The following LRRC4C variants were observed in gnomAD, a reference collection of about 807,000 sequenced individuals.
LRRC4C encodes leucine-rich repeat-containing protein 4C.
Under a neutral mutation model 33.6 loss-of-function variants are expected in LRRC4C, and 5 were observed. The observed-to-expected ratio is 0.15, with a 90% confidence interval of 0.08 to 0.31. The LOEUF is 0.31. LRRC4C is among the 10% of genes least tolerant of loss of function. LRRC4C has a pLI of 1.00. For synonymous variants in LRRC4C, 329 were observed against 302.0 expected (o/e 1.09, Z -0.93); for missense variants, 560 against 796.7 (o/e 0.70, Z 3.58).
intron 3 of LRRC4C, among the ~76,000 whole-genome samples, chr11:40,553,195 C>A (rs768807793): frequency 4.4e-4 from 67 of 152,056 alleles, no homozygotes; most frequent in Admixed American, 1.6e-3. Context: ...TTGCTTGAAC[C>A]CAGGAGACGG....
chr11:41,283,180 T>C (rs192722985), intron 1 of LRRC4C, among the ~76,000 whole-genome samples: 2 of 152,362 alleles, frequency 1.3e-5, no homozygotes, highest in African/African-American at 4.8e-5. Flanking sequence ...AGCAATGATA[T>C]GCAGTTGTTT....
chr11:40,247,399 C>G (rs1866427565), intron 4 of LRRC4C, among the ~76,000 whole-genome samples: 1 of 152,154 alleles, frequency 6.6e-6, no homozygotes, highest in Non-Finnish European at 1.5e-5. Context: ...TTTAAACAAA[C>G]CCCCATGTTT....
chr11:41,100,334 G>A (rs570700080), intron 1 of LRRC4C, among the ~76,000 whole-genome samples: 151 of 152,126 alleles, frequency 9.9e-4, no homozygotes, highest in Non-Finnish European at 1.8e-3. Context: ...TGGGAGGCCC[G>A]AGGTGGGTGG....
At chr11:40,483,465 C>T (rs1953695431) in intron 3 of LRRC4C, among the ~76,000 whole-genome samples, 1 of 152,060 alleles carries the variant, frequency 6.6e-6, no homozygotes, top group Admixed American at 6.6e-5. Context: ...GTTTAAATAA[C>T]ACAATCAATG....
chr11:40,957,510 G>C (rs1173814786), intron 1 of LRRC4C, among the ~76,000 whole-genome samples: 1 of 151,540 alleles, frequency 6.6e-6, no homozygotes, highest in African/African-American at 2.4e-5. Context: ...TGTATTTTCT[G>C]AACTATGTTC....
At chr11:40,452,983 A>G (rs1435594502) in intron 3 of LRRC4C, among the ~76,000 whole-genome samples, 2 of 145,250 alleles carry the variant, frequency 1.4e-5, no homozygotes, top group African/African-American at 5.0e-5. Context: ...TCGAACAATG[A>G]GAACACATGG....
At chr11:40,390,300 T>A (rs1195224842) in intron 3 of LRRC4C, among the ~76,000 whole-genome samples, 1 of 152,144 alleles carries the variant, frequency 6.6e-6, no homozygotes, top group Non-Finnish European at 1.5e-5. Context: ...AACAAGGAAT[T>A]CAGCTTAATC....
At chr11:41,458,032 G>A (rs1302598916) in intron 1 of LRRC4C, among the ~76,000 whole-genome samples, 1 of 151,972 alleles carries the variant, frequency 6.6e-6, no homozygotes, top group Admixed American at 6.6e-5. Flanking sequence ...AACGTTTTGA[G>A]TATGATGCCT....
intron 1 of LRRC4C, among the ~76,000 whole-genome samples, chr11:41,059,768 T>C (rs1310957273): frequency 1.3e-5 from 2 of 152,172 alleles, no homozygotes; most frequent in Non-Finnish European, 2.9e-5. Flanking sequence ...CTCATGCCTG[T>C]AATCCCAGCA....
intron 1 of LRRC4C, among the ~76,000 whole-genome samples, chr11:41,272,360 G>A (rs926527529): frequency 6.6e-6 from 1 of 151,980 alleles, no homozygotes; most frequent in Non-Finnish European, 1.5e-5. Flanking sequence ...TCTAAGAACT[G>A]TTGCAGATCT....
At chr11:41,445,521 G>A (rs1270761955) in intron 1 of LRRC4C, among the ~76,000 whole-genome samples, 1 of 152,086 alleles carries the variant, frequency 6.6e-6, no homozygotes, top group Non-Finnish European at 1.5e-5. Context: ...AGAAGAAGAA[G>A]GCACTGAGGC....
chr11:41,422,003 T>C (rs1954887490), intron 1 of LRRC4C, among the ~76,000 whole-genome samples: 1 of 152,048 alleles, frequency 6.6e-6, no homozygotes. Flanking sequence ...TATGGCCACA[T>C]AATGATACTT....
chr11:41,116,246 A>G (rs1162779156), intron 1 of LRRC4C, among the ~76,000 whole-genome samples: 3 of 152,122 alleles, frequency 2.0e-5, no homozygotes, highest in Non-Finnish European at 1.5e-5. Flanking sequence ...ATCCTATGTG[A>G]CTTTGGATAA....
At position 40,757,071 on chromosome 11, in the gene LRRC4C, C is replaced by T. The variant is rs191348302; in HGVS notation, c.-406-108793G>A. Among the ~76,000 whole-genome samples the T allele has an allele frequency of 1.8e-4, 28 of 152,204 alleles. 1 individual carries two copies. Among genetic ancestry groups the T allele is most frequent in the African/African-American group, 6.3e-4 (26 of 41,564 alleles). ...TTGCTCTCATACTCTCTTCCAAGGA[C>T]TGTTCTTGAAACCTTTCCCCTTTCC... On this transcript the variant is annotated intron_variant, in intron 2 of 6. Coordinates refer to ENST00000528697, the MANE Select transcript of LRRC4C (RefSeq NM_001258419.2).
chr11:41,442,556 G>A (rs1253058386), intron 1 of LRRC4C, among the ~76,000 whole-genome samples: 3 of 128,760 alleles, frequency 2.3e-5, no homozygotes, highest in Admixed American at 1.9e-4. Flanking sequence ...TGCAAGCTCC[G>A]CCTCCTGGGT....
At chr11:40,422,614 T>A (rs1950559547) in intron 3 of LRRC4C, among the ~76,000 whole-genome samples, 1 of 151,968 alleles carries the variant, frequency 6.6e-6, no homozygotes, top group Non-Finnish European at 1.5e-5. Context: ...TTTGCTAGAA[T>A]CCCAAGTTCT....
chr11:40,337,422 C>A lies in LRRC4C; in HGVS notation c.-269-17701G>T, dbSNP rs533638028. Among the ~76,000 whole-genome samples the A allele has an allele frequency of 7.2e-5, 11 of 152,298 alleles. No homozygotes were observed. In the South Asian group the frequency reaches 2.3e-3, roughly 32 times the overall value. ...GAAATCTGAGATATCATTTATGAAGCTATTACAGTAGCTTTGAAAACAACA... is the reference window on the plus strand; with the variant it reads ...GAAATCTGAGATATCATTTATGAAGATATTACAGTAGCTTTGAAAACAACA... On this transcript the variant is annotated intron_variant, in intron 3 of 6. Transcript: ENST00000528697.
At chr11:40,241,778 C>G (rs559350233) in intron 4 of LRRC4C, 180 bp from the exon 5 acceptor site, 1 of 152,320 alleles carries the variant, frequency 6.6e-6, no homozygotes, top group East Asian at 1.9e-4. Context: ...CTCATTGATA[C>G]TATAATCTCA....
chr11:40,470,198 T>C (rs1040147986), intron 3 of LRRC4C, among the ~76,000 whole-genome samples: 17 of 152,176 alleles, frequency 1.1e-4, no homozygotes, highest in African/African-American at 4.1e-4. Context: ...CAGGCAGCAA[T>C]GTTTGCTGTT....
Sources: allele counts gnomAD v4.1 joint callset (sites outside exome capture counted in the v4.1 genomes callset), GRCh38; gene constraint gnomAD v4.1.1; transcripts MANE v1.5; gene names NCBI Gene and HGNC (gene_info 2026-07-23, HGNC 2026-07-21).